GABRG1: variants seen among roughly 807,000 people sequenced by gnomAD.
GABRG1 encodes gamma-aminobutyric acid receptor subunit gamma-1.
A neutral mutation model predicts 49.8 loss-of-function variants in GABRG1; 49 were observed. That is an observed-to-expected ratio of 0.98 (90% CI 0.78 to 1.25). The LOEUF is 1.25. Among genes scored for constraint, GABRG1 ranks in the 50% most tolerant of loss-of-function variants. GABRG1 has a pLI of 0.00. For missense variants in GABRG1, 552 were observed against 552.3 expected (o/e 1.00, Z 0.01); for synonymous variants, 232 against 185.1 (o/e 1.25, Z -2.06).
chr4:46,070,758 A>G (rs1377195399), intron 3 of GABRG1, among the ~76,000 whole-genome samples: 1 of 152,036 alleles, frequency 6.6e-6, no homozygotes, highest in African/African-American at 2.4e-5. Flanking sequence ...AGAGTTTATG[A>G]TTCAGTCTTG....
rs187597052 is a variant in GABRG1, at chr4:46,079,301, A to G, written c.321+4685T>C. The stretch of plus-strand genomic sequence containing the variant: ...CAGGTGACTTCCCAGCTCCTTTTTA[A>G]ATTGTCGTCTTCGTAACTGGTGCCC... On this transcript the variant is annotated intron_variant, in intron 3 of 8. Transcript: ENST00000295452. 3.1e-3 allele frequency among the ~76,000 whole-genome samples: 473 copies of G among 151,750 alleles called. 2 individuals carry two copies. Among genetic ancestry groups the G allele is most frequent in the Non-Finnish European group, 5.9e-3 (402 of 67,868 alleles).
Position 46,065,361 on chromosome 4 carries a change from T to G in GABRG1, c.542+3A>C. 1 of 1,534,986 alleles carries G rather than the reference T, an allele frequency of 6.5e-7. No individual in the cohort carries two copies. Among genetic ancestry groups the G allele is most frequent in the South Asian group, 1.2e-5 (1 of 86,330 alleles). On this transcript the variant is annotated splice_donor_region_variant and intron_variant, in intron 4 of 8. Transcript: ENST00000295452. ...CAACTACAGATTTTTAAACCAATATTACCTTAGAGTATACAGAACTCGTCC... is the reference window on the plus strand; with the variant it reads ...CAACTACAGATTTTTAAACCAATATGACCTTAGAGTATACAGAACTCGTCC...
chr4:46,097,786 A>T (rs1720229062), intron 1 of GABRG1, among the ~76,000 whole-genome samples: 1 of 151,734 alleles, frequency 6.6e-6, no homozygotes, highest in Non-Finnish European at 1.5e-5. Context: ...TGTACAAAAA[A>T]TGGATGTGTA....
intron 8 of GABRG1, among the ~76,000 whole-genome samples, chr4:46,051,023 G>A (rs934074681): frequency 3.3e-5 from 5 of 151,810 alleles, no homozygotes; most frequent in East Asian, 1.9e-4. Flanking sequence ...AAAAAAGAAC[G>A]TTGTGGTCAT....
chr4:46,102,838 A>G (rs1274859392), intron 1 of GABRG1, among the ~76,000 whole-genome samples: 1 of 151,708 alleles, frequency 6.6e-6, no homozygotes, highest in Non-Finnish European at 1.5e-5. Flanking sequence ...ATTTAAGTAA[A>G]GACAAGGCAT....
At chr4:46,111,239 C>T (rs945460151) in intron 1 of GABRG1, among the ~76,000 whole-genome samples, 2 of 150,614 alleles carry the variant, frequency 1.3e-5, no homozygotes, top group African/African-American at 2.4e-5. Flanking sequence ...GAATGTAATC[C>T]CATTTACAAT....
intron 1 of GABRG1, among the ~76,000 whole-genome samples, chr4:46,120,339 T>A (rs1721057193): frequency 6.6e-6 from 1 of 151,820 alleles, no homozygotes; most frequent in Admixed American, 6.6e-5. Flanking sequence ...ATCCTTATAT[T>A]CTTACATTCA....
rs1343198977 is a variant in GABRG1, at chr4:46,037,946, C to T, written c.*3042G>A. 2.0e-5 allele frequency: 3 copies of T among 151,520 alleles called. No homozygotes were observed. Among genetic ancestry groups the T allele is most frequent in the Non-Finnish European group, 3.0e-5 (2 of 67,668 alleles). The allele number at this position is 151,520 out of a possible 1,614,324, so 9.4% of individuals were successfully genotyped here. ...CTTGTTCTTGAGACAAAAACATTGTCTATTTTATGATGATATACTAATGCC... is the reference window on the plus strand; with the variant it reads ...CTTGTTCTTGAGACAAAAACATTGTTTATTTTATGATGATATACTAATGCC... On this transcript the variant is annotated 3_prime_UTR_variant, in exon 9 of 9. Transcript: ENST00000295452.
At chr4:46,089,857 G>A (rs1163244444) in intron 2 of GABRG1, among the ~76,000 whole-genome samples, 2 of 152,000 alleles carry the variant, frequency 1.3e-5, no homozygotes, top group Non-Finnish European at 1.5e-5. Flanking sequence ...CAATTACTCA[G>A]CAGGCTGAGG....
At chr4:46,045,572 TA>T (rs1028949949) in intron 8 of GABRG1, among the ~76,000 whole-genome samples, 3 of 150,116 alleles carry the variant, frequency 2.0e-5, no homozygotes, top group South Asian at 4.2e-4. Flanking sequence ...TTTTTCACTG[TA>T]AAAAAACAAG....
intron 8 of GABRG1, among the ~76,000 whole-genome samples, chr4:46,042,013 A>G (rs1019742003): frequency 2.0e-5 from 3 of 152,050 alleles, no homozygotes; most frequent in Admixed American, 6.6e-5. Context: ...TTGATTTTGA[A>G]TAATACTTAA....
At chr4:46,101,527 C>T (rs181372940) in intron 1 of GABRG1, among the ~76,000 whole-genome samples, 57 of 151,650 alleles carry the variant, frequency 3.8e-4, no homozygotes, top group African/African-American at 1.2e-3. Context: ...CAATCTCTGA[C>T]CCAGTGTTTT....
rs377087762 is a variant in GABRG1 at position 46,077,507 on chromosome 4, T to C, written c.321+6479A>G. 2.9e-4 allele frequency among the ~76,000 whole-genome samples: 44 copies of C among 152,138 alleles called. No homozygotes were observed. The East Asian group carries it at 5.2e-3, about 18-fold the overall frequency. ...TAAATTAAATTTCTAATTTTCTTGG[T>C]TGAGTATGTATTTCTTTTATAATAA... On this transcript the variant is annotated intron_variant, in intron 3 of 8. Transcript: ENST00000295452.
chr4:46,058,324 ATTC>A lies in GABRG1; in HGVS notation c.806_808del (p.Arg269del). The A allele has an allele frequency of 6.2e-7, 1 of 1,613,232 alleles. No individual in the cohort carries two copies. Among genetic ancestry groups the A allele is most frequent in the Non-Finnish European group, 8.5e-7 (1 of 1,179,568 alleles). ...GTAGGTCTGAATAGTGAAATATCCC[ATTC>A]TTCTGCTCAGGTCAAAAAAAATTGT... On this transcript the variant is annotated inframe_deletion, in exon 7 of 9. Transcript: ENST00000295452.
At chr4:46,062,840 G>A (rs566313037) in intron 5 of GABRG1, among the ~76,000 whole-genome samples, 2 of 152,078 alleles carry the variant, frequency 1.3e-5, no homozygotes, top group African/African-American at 2.4e-5. Context: ...CAAAATCAAT[G>A]TACAAAAATC....
chr4:46,065,487 A>T lies in GABRG1; in HGVS notation c.419T>A (p.Val140Asp). ...MKVLMLNSNMVGKIWIPDTFF... is the reference protein window; with the variant it reads ...MKVLMLNSNMDGKIWIPDTFF... ...AGTGTCAGGAATCCAAATTTTTCCA[A>T]CCATATTACTGTTAAGCATAAGCAC... The change falls in exon 4 of 9, where the codon GTT (valine) becomes GAT (aspartate). Residue 140 changes from valine to aspartate, a missense_variant. By Grantham distance (152) the Val-to-Asp change is radical (BLOSUM62 -3). Coordinates refer to ENST00000295452, the MANE Select transcript of GABRG1 (RefSeq NM_173536.4). The T allele has an allele frequency of 6.2e-7, 1 of 1,611,024 alleles. No individual in the cohort carries two copies. The highest frequency in any genetic ancestry group is 1.3e-5 in the African/African-American group (1 of 74,930).
chr4:46,108,137 T>C (rs1720612475), intron 1 of GABRG1, among the ~76,000 whole-genome samples: 1 of 151,144 alleles, frequency 6.6e-6, no homozygotes, highest in African/African-American at 2.4e-5. Context: ...GTAATAAGTA[T>C]GGAATGAAAA....
chr4:46,062,752 T>A (rs1054284364), intron 5 of GABRG1, among the ~76,000 whole-genome samples: 4 of 152,184 alleles, frequency 2.6e-5, no homozygotes, highest in African/African-American at 9.6e-5. Context: ...ACGACATCAT[T>A]GTATATCTAG....
chr4:46,051,546 C>CA lies in GABRG1; in HGVS notation c.1008dup (p.Val337CysfsTer32). 1 of 1,611,484 alleles carries CA rather than the reference C, an allele frequency of 6.2e-7. No homozygotes were observed. The highest frequency in any genetic ancestry group is 8.5e-7 in the Non-Finnish European group (1 of 1,178,504). ...AAAACAAAAATGAAACAAACAGAAA[C>CA]AAAGAGATCCATCGCAGTCACATAA... On this transcript the variant is annotated frameshift_variant, in exon 8 of 9. Transcript: ENST00000295452. LOFTEE classifies it high-confidence loss of function.
Sources: gnomAD v4.1 joint callset for allele counts (sites outside exome capture counted in the v4.1 genomes callset) on GRCh38, gnomAD v4.1.1 for gene constraint, MANE v1.5 for transcripts, NCBI Gene and HGNC (gene_info 2026-07-23, HGNC 2026-07-21) for gene names.